The following FLI1 variants were observed in gnomAD, a reference collection of about 807,000 sequenced individuals.
FLI1 encodes the protein Fli-1 proto-oncogene, ETS transcription factor, also known as Friend leukemia integration 1 transcription factor.
Under a neutral mutation model 53.1 loss-of-function variants are expected in FLI1, and 13 were observed. The ratio of observed to expected loss-of-function variants is 0.24; its 90% CI spans 0.16 to 0.39. The LOEUF is 0.39. Ranked by LOEUF, FLI1 falls within the 10% of genes least tolerant of loss-of-function variation. The pLI is 1.00. For synonymous variants in FLI1, 244 were observed against 236.7 expected, an observed-to-expected ratio of 1.03 and a Z score of -0.28; for missense variants, 424 against 600.5, an observed-to-expected ratio of 0.71 and a Z score of 3.07.
intron 5 of FLI1, among the ~76,000 whole-genome samples, chr11:128,785,601 T>C (rs910504495): frequency 6.6e-5 from 10 of 152,230 alleles, no homozygotes; most frequent in Non-Finnish European, 8.8e-5. Flanking sequence ...TTGATTTCTG[T>C]CCATGCAGTT....
chr11:128,759,968 T>C (rs1941043711), intron 2 of FLI1, among the ~76,000 whole-genome samples: 1 of 152,128 alleles, frequency 6.6e-6, no homozygotes, highest in Non-Finnish European at 1.5e-5. Context: ...GACCTGCCTG[T>C]GGGAACTGCC....
At position 128,748,230 on chromosome 11, in the gene FLI1, C is replaced by T; in HGVS notation, c.19-9885C>T. 3.1e-6 allele frequency: 3 copies of T among 981,806 alleles called. No homozygotes were observed. The South Asian group carries it at 1.4e-4, about 46-fold the overall frequency. The allele number at this position is 981,806 out of a possible 1,614,324, so 60.8% of individuals were successfully genotyped here. On this transcript the variant is annotated intron_variant, in intron 1 of 8. Transcript: ENST00000527786. ...CGTCTGCAAATAATTGCAATTGCATCTTCTAGGAATTCTTTCTCTGGGTCA... is the reference window on the plus strand; with the variant it reads ...CGTCTGCAAATAATTGCAATTGCATTTTCTAGGAATTCTTTCTCTGGGTCA...
rs531724800 is a variant in FLI1 at position 128,754,851 on chromosome 11, G to A, written c.19-3264G>A. On this transcript the variant is annotated intron_variant, in intron 1 of 8. Transcript: ENST00000527786. ...TGAGGCATTCCCGGTGAACCGGGACGCTCTCCTCCTACAATGTTGCCACTT... is the reference window on the plus strand; with the variant it reads ...TGAGGCATTCCCGGTGAACCGGGACACTCTCCTCCTACAATGTTGCCACTT... 4.5e-4 allele frequency among the ~76,000 whole-genome samples: 68 copies of A among 152,376 alleles called. 1 individual carries two copies. Among genetic ancestry groups the A allele is most frequent in the African/African-American group, 1.3e-3 (56 of 41,586 alleles).
At chr11:128,707,333 G>T (rs1441646761) in intron 1 of FLI1, among the ~76,000 whole-genome samples, 3 of 152,124 alleles carry the variant, frequency 2.0e-5, no homozygotes, top group Admixed American at 6.5e-5. Context: ...AGAACACATT[G>T]GTCGAAGGGC....
At chr11:128,809,762 C>T (rs1270597390) in intron 8 of FLI1, among the ~76,000 whole-genome samples, 2 of 152,180 alleles carry the variant, frequency 1.3e-5, no homozygotes, top group African/African-American at 4.8e-5. Context: ...TGGGAGCTAG[C>T]AGGCCCTTGT....
At chr11:128,758,035 C>T in intron 1 of FLI1, 80 bp from the exon 2 acceptor site, 5 of 1,326,448 alleles carry the variant, frequency 3.8e-6, no homozygotes, top group Non-Finnish European at 5.2e-6. Flanking sequence ...CCTGGGCCAC[C>T]TTGCCAGCTC....
chr11:128,746,325 C>T (rs925301914), intron 1 of FLI1, among the ~76,000 whole-genome samples: 10 of 152,148 alleles, frequency 6.6e-5, no homozygotes, highest in African/African-American at 2.4e-4. Flanking sequence ...GGAAAGTTCC[C>T]ATGACCCCAG....
chr11:128,802,889 A>T (rs2135910419), intron 5 of FLI1, among the ~76,000 whole-genome samples: 1 of 152,378 alleles, frequency 6.6e-6, no homozygotes, highest in East Asian at 1.9e-4. Context: ...TGTCCCTGGA[A>T]CTAGAATAAG....
rs117080256 is a variant in FLI1, at chr11:128,756,946, G to A, written c.19-1169G>A. Among the ~76,000 whole-genome samples the A allele has an allele frequency of 3.7e-4, 56 of 152,230 alleles. 1 individual carries two copies. The East Asian group carries it at 0.01, about 28-fold the overall frequency. On this transcript the variant is annotated intron_variant, in intron 1 of 8. Transcript: ENST00000527786. ...TCGCCCAGGCTGAATGCAATGGCAC[G>A]ATCACGGCTCACTGCAGCCTCTACT...
chr11:128,764,593 G>T (rs1000821721), intron 2 of FLI1: 2 of 1,477,984 alleles, frequency 1.4e-6, no homozygotes, highest in Non-Finnish European at 1.8e-6. Context: ...CAAGCTGAAT[G>T]GCAAAACCTC....
chr11:128,774,719 A>G (rs1941681542), intron 4 of FLI1, among the ~76,000 whole-genome samples: 1 of 152,170 alleles, frequency 6.6e-6, no homozygotes, highest in Non-Finnish European at 1.5e-5. Context: ...TTGTTGGGAG[A>G]ATGTTCAAGG....
At position 128,811,002 on chromosome 11, in the gene FLI1, A is replaced by G. The variant is rs777002121; in HGVS notation, c.*14A>G. 1.2e-6 allele frequency: 2 copies of G among 1,613,728 alleles called. No individual in the cohort carries two copies. Among genetic ancestry groups the G allele is most frequent in the South Asian group, 2.2e-5 (2 of 91,074 alleles). The stretch of plus-strand genomic sequence containing the variant: ...AGCTACTACTAGAAGCTTACTCATC[A>G]GTGGCCTTCTAGCTGAAGCCCATCC... On this transcript the variant is annotated 3_prime_UTR_variant, in exon 9 of 9. Coordinates refer to ENST00000527786, the MANE Select transcript of FLI1 (RefSeq NM_002017.5).
chr11:128,705,902 C>CT (rs886687889), intron 1 of FLI1, among the ~76,000 whole-genome samples: 50 of 151,632 alleles, frequency 3.3e-4, no homozygotes, highest in African/African-American at 1.1e-3. Context: ...CCTGCCTTTG[C>CT]TTTTTTTTTC....
upstream of FLI1, chr11:128,694,060 C>T: frequency 2.3e-6 from 1 of 435,722 alleles, no homozygotes; most frequent in East Asian, 3.6e-5. Context: ...AAAGTTTCAT[C>T]CGGTTAACTG....
chr11:128,761,405 G>A (rs1182024102), intron 2 of FLI1, among the ~76,000 whole-genome samples: 1 of 152,176 alleles, frequency 6.6e-6, no homozygotes, highest in Non-Finnish European at 1.5e-5. Flanking sequence ...TGACACGTGG[G>A]CAGGGCCTGA....
chr11:128,768,917 C>G (rs764918919), intron 3 of FLI1, among the ~76,000 whole-genome samples: 1 of 152,194 alleles, frequency 6.6e-6, no homozygotes, highest in Non-Finnish European at 1.5e-5. Flanking sequence ...TGGATGTGGG[C>G]ATCCCTGCCT....
intron 5 of FLI1, among the ~76,000 whole-genome samples, chr11:128,788,102 G>A (rs1225920878): frequency 1.3e-5 from 2 of 151,534 alleles, no homozygotes; most frequent in Admixed American, 6.6e-5. Context: ...CAGTATTTTT[G>A]AGGGTTTACC....
At chr11:128,686,516 C>A (rs778969514), upstream of FLI1, 3 of 456,624 alleles carry the variant, frequency 6.6e-6, no homozygotes, top group Middle Eastern at 9.8e-4. Context: ...CTAGGCGGAT[C>A]TGAGCTTCCC....
At chr11:128,719,519 G>A (rs182050469) in intron 1 of FLI1, among the ~76,000 whole-genome samples, 30 of 152,256 alleles carry the variant, frequency 2.0e-4, no homozygotes, top group African/African-American at 2.4e-4. Context: ...CTGTCAAAGA[G>A]TGCATTATAC....
Sources: gnomAD v4.1 joint callset for allele counts (sites outside exome capture counted in the v4.1 genomes callset) on GRCh38, gnomAD v4.1.1 for gene constraint, MANE v1.5 for transcripts, NCBI Gene and HGNC (gene_info 2026-07-23, HGNC 2026-07-21) for gene names.